Variants in FANCI observed in about 807,000 individuals in gnomAD.
FANCI encodes the protein Fanconi anemia group I protein.
FANCI carries 156 observed loss-of-function variants against 176.1 expected under a neutral mutation model. The observed-to-expected ratio is 0.89, with a 90% confidence interval of 0.78 to 1.01. The LOEUF (loss-of-function observed/expected upper bound fraction) is 1.01. Among genes scored for constraint, FANCI ranks in the 50% least tolerant of loss-of-function variants. FANCI has a pLI of 0.00. For missense variants in FANCI, 1,678 were observed against 1,534.1 expected (o/e 1.09, Z -1.57); for synonymous variants, 613 against 541.7 (o/e 1.13, Z -1.83).
At chr15:89,244,999 C>A (rs1174708395) in intron 1 of FANCI, among the ~76,000 whole-genome samples, 6 of 152,164 alleles carry the variant, frequency 3.9e-5, no homozygotes, top group Non-Finnish European at 1.5e-5. Context: ...AAACCAGCTA[C>A]GGCCCGTGTC....
intron 12 of FANCI, among the ~76,000 whole-genome samples, chr15:89,275,973 A>G (rs1254665930): frequency 6.6e-6 from 1 of 152,200 alleles, no homozygotes; most frequent in Non-Finnish European, 1.5e-5. Flanking sequence ...TATGTAATTG[A>G]ATTTTTGGCT....
chr15:89,257,508 G>T (rs1390458842), intron 2 of FANCI, among the ~76,000 whole-genome samples: 2 of 152,154 alleles, frequency 1.3e-5, no homozygotes, highest in Non-Finnish European at 2.9e-5. Context: ...GCAACCTTTA[G>T]CATTCCTTGG....
chr15:89,276,978 A>G, intron 13 of FANCI, 87 bp downstream of exon 13: 4 of 1,331,618 alleles, frequency 3.0e-6, no homozygotes, highest in South Asian at 1.2e-5. Context: ...TTGGTGGACA[A>G]GGAAATTTGA....
At chr15:89,303,669 T>G (rs2054606432) in intron 27 of FANCI, among the ~76,000 whole-genome samples, 195 bp from the exon 28 acceptor site, 1 of 152,206 alleles carries the variant, frequency 6.6e-6, no homozygotes, top group Non-Finnish European at 1.5e-5. Context: ...AATTAAATTA[T>G]ATATTATTCT....
At chr15:89,259,068 A>G (rs1230310978) in intron 3 of FANCI, 3 of 398,064 alleles carry the variant, frequency 7.5e-6, no homozygotes, top group East Asian at 5.7e-5. Context: ...GATTGTGGAG[A>G]AGAGAACAGC....
chr15:89,295,152 A>G (rs2054205466), intron 24 of FANCI, 58 bp downstream of exon 24: 4 of 1,508,382 alleles, frequency 2.7e-6, no homozygotes, highest in South Asian at 2.6e-5. Context: ...TCTCCAAGAG[A>G]ACAAACTGGG....
chr15:89,288,659 A>G (rs1368378280), intron 18 of FANCI, among the ~76,000 whole-genome samples: 1 of 142,050 alleles, frequency 7.0e-6, no homozygotes, highest in Non-Finnish European at 1.5e-5. Flanking sequence ...TTCCTCTGTT[A>G]TCCAGGCTGG....
At position 89,313,900 on chromosome 15, in the gene FANCI, TACACACAC is replaced by T. The variant is rs34352725; in HGVS notation, c.3721-693_3721-686del. On this transcript the variant is annotated intron_variant, in intron 35 of 37. Transcript: ENST00000310775. Reference sequence around the variant, plus strand: ...GTACAGTATCCTCATGGGTTAAAAATACACACACACACACACACACACACACGTAGGAC... The same window carrying T: ...GTACAGTATCCTCATGGGTTAAAAATACACACACACACACACACGTAGGAC... Among the ~76,000 whole-genome samples the T allele has an allele frequency of 4.3e-3, 616 of 142,720 alleles. 3 individuals are homozygous for T. The highest frequency in any genetic ancestry group is 0.015 in the African/African-American group (581 of 38,374). The allele number at this position is 142,720 out of a possible 152,430, so 93.6% of individuals were successfully genotyped here.
intron 2 of FANCI, among the ~76,000 whole-genome samples, chr15:89,256,689 A>G (rs1031081408): frequency 6.6e-6 from 1 of 152,084 alleles, no homozygotes; most frequent in East Asian, 1.9e-4. Context: ...ATTGTCATCT[A>G]TTTGGCACTT....
chr15:89,314,855 T>TA, intron 36 of FANCI, 148 bp downstream of exon 36: 1 of 587,708 alleles, frequency 1.7e-6, no homozygotes, highest in Admixed American at 2.8e-5. Context: ...CCCCCTTTTT[T>TA]TTTTTGAGAC....
chr15:89,257,013 TCTC>T (rs796866900), intron 2 of FANCI, among the ~76,000 whole-genome samples: 2 of 152,308 alleles, frequency 1.3e-5, no homozygotes, highest in African/African-American at 4.8e-5. Flanking sequence ...TTCATGCCAT[TCTC>T]CTGCCTCAGC....
At chr15:89,279,140 T>G (rs1245000752) in intron 14 of FANCI, among the ~76,000 whole-genome samples, 1 of 132,074 alleles carries the variant, frequency 7.6e-6, no homozygotes, top group Non-Finnish European at 1.6e-5. Context: ...GAATTTGCTG[T>G]TTTGTTGTTG....
chr15:89,311,172 T>C (rs1280412174), intron 34 of FANCI, among the ~76,000 whole-genome samples: 21 of 152,026 alleles, frequency 1.4e-4, no homozygotes, highest in Admixed American at 1.4e-3. Flanking sequence ...GGCAGGAGAA[T>C]TGCTTGAACC....
chr15:89,301,335 T>C lies in FANCI; in HGVS notation c.2899T>C (p.Leu967=). Residue 967 remains leucine (L), a synonymous_variant, in exon 27 of 38, where the codon TTG becomes CTG. Transcript: ENST00000310775. ...FQIRQFQRSL[L]NLLSSQEEDF... Reference sequence around the variant, plus strand: ...TGCCTTCCTTTCTCAGAGGTCCTTGTTGAATTTACTTAGCAGTCAAGAGGA... The same window carrying C: ...TGCCTTCCTTTCTCAGAGGTCCTTGCTGAATTTACTTAGCAGTCAAGAGGA... The C allele has an allele frequency of 6.2e-7, 1 of 1,612,690 alleles. No homozygotes were observed. The highest frequency in any genetic ancestry group is 8.5e-7 in the Non-Finnish European group (1 of 1,178,690).
chr15:89,279,871 A>C (rs151302037), intron 14 of FANCI, among the ~76,000 whole-genome samples: 327 of 152,284 alleles, frequency 2.1e-3, no homozygotes, highest in African/African-American at 7.6e-3. Flanking sequence ...CCTTGAATTT[A>C]GACTACTGCC....
chr15:89,265,755 C>T (rs1356820435), intron 9 of FANCI, among the ~76,000 whole-genome samples: 2 of 150,962 alleles, frequency 1.3e-5, no homozygotes, highest in Non-Finnish European at 3.0e-5. Context: ...GAACTGACCT[C>T]AGGTGATCCA....
chr15:89,268,830 G>T (rs1226977046), intron 10 of FANCI, among the ~76,000 whole-genome samples: 1 of 151,980 alleles, frequency 6.6e-6, no homozygotes, highest in Non-Finnish European at 1.5e-5. Context: ...TATTCAGCAG[G>T]AAACTCAAAA....
chr15:89,253,502 C>CGCT (rs2052352504), intron 2 of FANCI, among the ~76,000 whole-genome samples: 1 of 150,122 alleles, frequency 6.7e-6, no homozygotes, highest in Non-Finnish European at 1.5e-5. Flanking sequence ...AAGTGAGACT[C>CGCT]TGTCTCTTAA....
chr15:89,260,529 C>A (rs1344406160), intron 3 of FANCI, among the ~76,000 whole-genome samples, 184 bp from the exon 4 acceptor site: 2 of 152,164 alleles, frequency 1.3e-5, no homozygotes, highest in Non-Finnish European at 2.9e-5. Flanking sequence ...ACATTTTAGT[C>A]CCTTTATTTT....
Sources: gnomAD v4.1 joint callset for allele counts (sites outside exome capture counted in the v4.1 genomes callset) on GRCh38, gnomAD v4.1.1 for gene constraint, MANE v1.5 for transcripts, NCBI Gene and HGNC (gene_info 2026-07-23, HGNC 2026-07-21) for gene names.